ATP6V1B1: variants seen among roughly 807,000 people sequenced by gnomAD.
The protein encoded by ATP6V1B1 is V-type proton ATPase subunit B, kidney isoform.
A neutral mutation model predicts 62.1 loss-of-function variants in ATP6V1B1; 41 were observed. The ratio of observed to expected loss-of-function variants is 0.66; its 90% CI spans 0.51 to 0.86. The LOEUF (loss-of-function observed/expected upper bound fraction) is 0.86. Ranked by LOEUF, ATP6V1B1 falls within the 40% of genes least tolerant of loss-of-function variation. The pLI is 0.00. For missense variants in ATP6V1B1, 651 were observed against 697.5 expected, an observed-to-expected ratio of 0.93 and a Z score of 0.75; for synonymous variants, 253 against 273.4, an observed-to-expected ratio of 0.93 and a Z score of 0.74.
At chr2:70,942,580 A>T (rs1345098375) in intron 1 of ATP6V1B1, 6 of 394,294 alleles carry the variant, frequency 1.5e-5, no homozygotes, top group Non-Finnish European at 2.7e-5. Context: ...TGAACCGAGA[A>T]CCAGTGTGGT....
intron 2 of ATP6V1B1, among the ~76,000 whole-genome samples, chr2:70,956,650 T>C (rs1680439431): frequency 6.6e-6 from 1 of 152,206 alleles, no homozygotes; most frequent in African/African-American, 2.4e-5. Flanking sequence ...TTGGCCAGGC[T>C]GGAGTACAGT....
rs146103071 is a variant in ATP6V1B1 at position 70,958,067 on chromosome 2, G to A, written c.196G>A (p.Val66Ile). The change falls in exon 3 of 14, where the codon GTC (valine) becomes ATC (isoleucine). Residue 66 changes from valine to isoleucine, a missense_variant. Transcript: ENST00000234396. ...CCAGTTTGCCCAGTATGCGGAGATCGTCCACTTCACCCTCCCAGATGGGAC... is the reference window on the plus strand; with the variant it reads ...CCAGTTTGCCCAGTATGCGGAGATCATCCACTTCACCCTCCCAGATGGGAC... Reference protein sequence around the residue: ...RVKFAQYAEIVHFTLPDGTQR... With the variant: ...RVKFAQYAEIIHFTLPDGTQR... 7.4e-5 allele frequency: 120 copies of A among 1,613,894 alleles called. No individual in the cohort carries two copies. The highest frequency in any genetic ancestry group is 8.6e-5 in the Non-Finnish European group (101 of 1,180,006).
At chr2:70,952,145 T>C (rs1432319404) in intron 2 of ATP6V1B1, among the ~76,000 whole-genome samples, 1 of 152,082 alleles carries the variant, frequency 6.6e-6, no homozygotes, top group Non-Finnish European at 1.5e-5. Context: ...CTTCCATTCC[T>C]GTTTTATATA....
At chr2:70,958,209 T>C (rs1680491593) in intron 3 of ATP6V1B1, 65 bp downstream of exon 3, 1 of 1,594,024 alleles carries the variant, frequency 6.3e-7, no homozygotes, top group South Asian at 1.1e-5. Flanking sequence ...GTTCCCACAC[T>C]ATCTACAAAC....
chr2:70,951,868 C>G (rs1318783523), intron 2 of ATP6V1B1, among the ~76,000 whole-genome samples: 3 of 151,988 alleles, frequency 2.0e-5, no homozygotes, highest in Non-Finnish European at 4.4e-5. Flanking sequence ...CATTGCACTC[C>G]AGCCTGGGCA....
At chr2:70,961,088 C>T (rs782241968) in intron 7 of ATP6V1B1, 66 bp downstream of exon 7, 21 of 1,475,464 alleles carry the variant, frequency 1.4e-5, no homozygotes, top group Non-Finnish European at 1.9e-5. Context: ...TCCCTCAGCC[C>T]CTGGCATGAC....
intron 1 of ATP6V1B1, chr2:70,938,671 G>T: frequency 6.1e-6 from 6 of 985,362 alleles, no homozygotes; most frequent in Non-Finnish European, 7.2e-6. Context: ...CATCTACCTT[G>T]GGAAAGAAGG....
intron 1 of ATP6V1B1, chr2:70,943,267 C>T (rs556733447): frequency 1.9e-5 from 8 of 412,480 alleles, no homozygotes; most frequent in South Asian, 1.2e-4. Flanking sequence ...CAGAGGAGGG[C>T]ACTTTTCGGC....
At chr2:70,942,552 C>T (rs1358789388) in intron 1 of ATP6V1B1, 1 of 395,834 alleles carries the variant, frequency 2.5e-6, no homozygotes, top group East Asian at 3.6e-5. Context: ...CCAGGCTTGC[C>T]CAAAGCAAGA....
In ATP6V1B1 at chr2:70,960,953, G is replaced by C. The variant is rs1553419952; in HGVS notation, c.618G>C (p.Leu206=). ...IAAQICRQAG[L]VKKSKAVLDY... is the part of the protein sequence containing the mutation. ...CTCAGATCTGCCGCCAGGCGGGGCTGGTGAAGAAGTCCAAGGCTGTGCTGG... is the reference window on the plus strand; with the variant it reads ...CTCAGATCTGCCGCCAGGCGGGGCTCGTGAAGAAGTCCAAGGCTGTGCTGG... The change falls in exon 7 of 14, where the codon CTG becomes CTC. Residue 206 remains leucine (L), a synonymous_variant. Coordinates refer to ENST00000234396, the MANE Select transcript of ATP6V1B1 (RefSeq NM_001692.4). 1 of 1,609,432 alleles carries C rather than the reference G, an allele frequency of 6.2e-7. No individual in the cohort carries two copies. Among genetic ancestry groups the C allele is most frequent in the African/African-American group, 1.3e-5 (1 of 74,836 alleles).
intron 2 of ATP6V1B1, among the ~76,000 whole-genome samples, chr2:70,949,717 T>A (rs1323864702): frequency 5.3e-5 from 8 of 152,238 alleles, no homozygotes; most frequent in Non-Finnish European, 1.0e-4. Context: ...TTTTGCTTCC[T>A]TCTCCGTGAA....
intron 2 of ATP6V1B1, among the ~76,000 whole-genome samples, chr2:70,951,289 T>C (rs1680318533): frequency 6.6e-6 from 1 of 152,176 alleles, no homozygotes; most frequent in South Asian, 2.1e-4. Context: ...CTTCAGTGTA[T>C]ATTTCCTAAG....
At position 70,965,112 on chromosome 2, in the gene ATP6V1B1, T is replaced by C. The variant is rs782329243; in HGVS notation, c.1533T>C (p.Thr511=). 76 of 1,610,482 alleles carry C rather than the reference T, an allele frequency of 4.7e-5. No homozygotes were observed. The highest frequency in any genetic ancestry group is 6.3e-5 in the Non-Finnish European group (74 of 1,179,992). Residue 511 remains threonine (T), a synonymous_variant, in exon 14 of 14, where the codon ACT becomes ACC. Coordinates refer to ENST00000234396, the MANE Select transcript of ATP6V1B1 (RefSeq NM_001692.4). ...CGCTGCAGGACCTCGCGCCTGACAC[T>C]GCGCTCTAGCCCCGCGCGCCGTGGC... ...EGALQDLAPD[T]AL
Position 70,959,140 on chromosome 2 carries a change from C to T in ATP6V1B1, c.445+45C>T, listed in dbSNP as rs999163843. 1 of 1,585,388 alleles carries T rather than the reference C, an allele frequency of 6.3e-7. No individual in the cohort carries two copies. The highest frequency in any genetic ancestry group is 1.1e-5 in the South Asian group (1 of 90,212). Reference sequence around the variant, plus strand: ...GGATGGCTTCGGGACCCAGCCCTAACACCTTCCCCACTCTTGGAAGTTCTG... The same window carrying T: ...GGATGGCTTCGGGACCCAGCCCTAATACCTTCCCCACTCTTGGAAGTTCTG... On this transcript the variant is annotated intron_variant, in intron 5 of 13. Coordinates refer to ENST00000234396, the MANE Select transcript of ATP6V1B1 (RefSeq NM_001692.4). This position sits in a 1 kb window ranked among gnomAD's most constrained non-coding sequence, Gnocchi z 4.2.
At chr2:70,957,250 A>AATATAT (rs55638187) in intron 2 of ATP6V1B1, among the ~76,000 whole-genome samples, 172 of 144,908 alleles carry the variant, frequency 1.2e-3, no homozygotes, top group African/African-American at 4.1e-3. Context: ...CACACCTGGC[A>AATATAT]ATATATATAT....
At position 70,963,622 on chromosome 2, in the gene ATP6V1B1, A is replaced by T; in HGVS notation, c.1111A>T (p.Ile371Phe). 4 of 1,614,188 alleles carry T rather than the reference A, an allele frequency of 2.5e-6. No homozygotes were observed. The highest frequency in any genetic ancestry group is 3.4e-6 in the Non-Finnish European group (4 of 1,180,026). Residue 371 changes from isoleucine (I) to phenylalanine (F), a missense_variant, in exon 11 of 14, where the codon ATC becomes TTC. Ile to Phe is a conservative substitution (Grantham distance 21, BLOSUM62 0). Coordinates refer to ENST00000234396, the MANE Select transcript of ATP6V1B1 (RefSeq NM_001692.4). The surrounding 1 kb of genome is among the most constrained non-coding windows in gnomAD (Gnocchi z 4.3). Reference sequence around the variant, plus strand: ...GACGGGCTTCATCACAGAGGGACAGATCTACGTGGACAGACAGCTTCACAA... The same window carrying T: ...GACGGGCTTCATCACAGAGGGACAGTTCTACGTGGACAGACAGCTTCACAA... ...DLTGFITEGQIYVDRQLHNRQ... is the reference protein window; with the variant it reads ...DLTGFITEGQFYVDRQLHNRQ...
At chr2:70,951,813 C>G (rs781834570) in intron 2 of ATP6V1B1, among the ~76,000 whole-genome samples, 2 of 151,880 alleles carry the variant, frequency 1.3e-5, no homozygotes, top group African/African-American at 4.8e-5. Context: ...GTAGGAGAAT[C>G]GCTTGAACCC....
Position 70,959,268 on chromosome 2 carries a change from C to A in ATP6V1B1, c.445+173C>A, listed in dbSNP as rs1553419600. Among the ~76,000 whole-genome samples, 1 of 152,224 alleles carries A rather than the reference C, an allele frequency of 6.6e-6. No homozygotes were observed. The highest frequency in any genetic ancestry group is 1.5e-5 in the Non-Finnish European group (1 of 68,034). Reference sequence around the variant, plus strand: ...AACACTGCCGTCAGCACTCCATGTCCATCCCCTGTAAAATGCCATCATCAT... The same window carrying A: ...AACACTGCCGTCAGCACTCCATGTCAATCCCCTGTAAAATGCCATCATCAT... On this transcript the variant is annotated intron_variant, in intron 5 of 13. Coordinates refer to ENST00000234396, the MANE Select transcript of ATP6V1B1 (RefSeq NM_001692.4). The surrounding 1 kb of genome is among the most constrained non-coding windows in gnomAD (Gnocchi z 4.2).
chr2:70,964,085 T>C (rs1680653695), intron 11 of ATP6V1B1: 1 of 373,104 alleles, frequency 2.7e-6, no homozygotes, highest in Non-Finnish European at 4.9e-6. Context: ...AGGTGACCTC[T>C]ATGACGTTTT....
Sources: allele counts gnomAD v4.1 joint callset (sites outside exome capture counted in the v4.1 genomes callset), GRCh38; gene constraint gnomAD v4.1.1; non-coding constraint Gnocchi (gnomAD v3.1); transcripts MANE v1.5; gene names NCBI Gene and HGNC (gene_info 2026-07-23, HGNC 2026-07-21).